TBC1D1: variants seen among roughly 807,000 people sequenced by gnomAD.
TBC1D1 encodes the protein TBC1 domain family member 1.
Under a neutral mutation model 125.6 loss-of-function variants are expected in TBC1D1, and 89 were observed. The ratio of observed to expected loss-of-function variants is 0.71; its 90% CI spans 0.60 to 0.85. The LOEUF is 0.85. Among genes scored for constraint, TBC1D1 ranks in the 40% least tolerant of loss-of-function variants. TBC1D1 has a pLI of 0.00. For synonymous variants in TBC1D1, 565 were observed against 564.1 expected, an observed-to-expected ratio of 1.00 and a Z score of -0.02; for missense variants, 1,377 against 1,469.2, an observed-to-expected ratio of 0.94 and a Z score of 1.03.
rs370317412 is a variant in TBC1D1, at chr4:38,049,685, C to G, written c.1697C>G (p.Ser566Trp). 1 of 1,614,136 alleles carries G rather than the reference C, an allele frequency of 6.2e-7. No homozygotes were observed. The highest frequency in any genetic ancestry group is 8.5e-7 in the Non-Finnish European group (1 of 1,180,022). ...AGCTCCTTTAAGCTCCTCGGCTCCT[C>G]GGAGGACCTGTCCAGTGACTCGGAG... is the stretch of plus-strand genomic sequence containing the variant. Residue 566 changes from serine to tryptophan, a missense_variant, in exon 11 of 20, where the codon TCG becomes TGG. Physicochemically the swap from Ser to Trp is radical, Grantham distance 177. This residue lies in a region of TBC1D1 where 822 missense variants were observed against 824.6 expected (regional missense o/e 1.00). Coordinates refer to ENST00000261439, the MANE Select transcript of TBC1D1 (RefSeq NM_015173.4).
chr4:37,913,473 C>A (rs1231221422), intron 2 of TBC1D1, among the ~76,000 whole-genome samples: 1 of 152,000 alleles, frequency 6.6e-6, no homozygotes, highest in Non-Finnish European at 1.5e-5. Flanking sequence ...GTGGCACATG[C>A]CTGTAATCCC....
At chr4:37,906,728 T>A (rs920216977) in intron 2 of TBC1D1, among the ~76,000 whole-genome samples, 1 of 152,210 alleles carries the variant, frequency 6.6e-6, no homozygotes, top group South Asian at 2.1e-4. Context: ...AAAATGGAAA[T>A]CCATGCATAG....
intron 2 of TBC1D1, among the ~76,000 whole-genome samples, chr4:37,959,103 C>T (rs1242736925): frequency 6.6e-6 from 1 of 152,148 alleles, no homozygotes; most frequent in Non-Finnish European, 1.5e-5. Context: ...TTGAATGGCC[C>T]TTTGTATTTG....
intron 2 of TBC1D1, chr4:37,960,681 C>T: frequency 6.2e-7 from 1 of 1,614,122 alleles, no homozygotes; most frequent in Non-Finnish European, 8.5e-7. Context: ...ACCCAGAAAA[C>T]AAAAACAGCC....
At chr4:37,898,210 C>T (rs191913681) in intron 1 of TBC1D1, among the ~76,000 whole-genome samples, 2 of 152,160 alleles carry the variant, frequency 1.3e-5, no homozygotes, top group Non-Finnish European at 2.9e-5. Context: ...AAGAAGCTTA[C>T]GGTCTTCTTG....
At chr4:38,107,309 C>G (rs1020074361) in intron 15 of TBC1D1, among the ~76,000 whole-genome samples, 2 of 152,242 alleles carry the variant, frequency 1.3e-5, no homozygotes, top group Non-Finnish European at 2.9e-5. Flanking sequence ...TTACCTCCCC[C>G]ACTCCTCTCA....
chr4:37,913,467 C>A (rs1719031269), intron 2 of TBC1D1, among the ~76,000 whole-genome samples: 1 of 151,964 alleles, frequency 6.6e-6, no homozygotes, highest in Non-Finnish European at 1.5e-5. Context: ...GGTGTGGTGG[C>A]ACATGCCTGT....
chr4:38,002,304 A>G (rs1739237487), intron 2 of TBC1D1, among the ~76,000 whole-genome samples: 2 of 152,234 alleles, frequency 1.3e-5, no homozygotes, highest in Admixed American at 6.5e-5. Flanking sequence ...CCATCCAAAA[A>G]TATTTAAAAT....
chr4:38,050,008 C>T, intron 11 of TBC1D1, 110 bp downstream of exon 11: 1 of 1,288,146 alleles, frequency 7.8e-7, no homozygotes, highest in Non-Finnish European at 1.1e-6. Flanking sequence ...TCAGGCTTTA[C>T]TCTTGGTTTG....
chr4:38,000,996 G>A (rs949823953), intron 2 of TBC1D1, among the ~76,000 whole-genome samples: 1 of 152,138 alleles, frequency 6.6e-6, no homozygotes, highest in Non-Finnish European at 1.5e-5. Context: ...TGAGGCGAGC[G>A]GATCACCAGG....
intron 2 of TBC1D1, among the ~76,000 whole-genome samples, chr4:37,980,314 C>A (rs1279353687): frequency 6.6e-6 from 1 of 152,142 alleles, no homozygotes; most frequent in Non-Finnish European, 1.5e-5. Context: ...GGCTTTATAG[C>A]AGTGTGATTT....
intron 2 of TBC1D1, among the ~76,000 whole-genome samples, chr4:38,012,241 C>A (rs1189549647): frequency 6.6e-6 from 1 of 152,140 alleles, no homozygotes; most frequent in African/African-American, 2.4e-5. Context: ...CCAGGAAAAT[C>A]TTATAAACTC....
chr4:38,051,111 A>T (rs1407571942), intron 11 of TBC1D1, among the ~76,000 whole-genome samples: 1 of 152,216 alleles, frequency 6.6e-6, no homozygotes, highest in East Asian at 1.9e-4. Flanking sequence ...TCCTGTCTGG[A>T]GAGTCCTAGT....
chr4:38,009,705 G>T (rs1694677536), intron 2 of TBC1D1, among the ~76,000 whole-genome samples: 1 of 152,206 alleles, frequency 6.6e-6, no homozygotes, highest in African/African-American at 2.4e-5. Context: ...GCATTTGTTA[G>T]TATGTGAACA....
chr4:37,956,630 C>A (rs1030109958), intron 2 of TBC1D1, among the ~76,000 whole-genome samples: 1 of 152,166 alleles, frequency 6.6e-6, no homozygotes, highest in Non-Finnish European at 1.5e-5. Flanking sequence ...GGGACGCCAA[C>A]TAATGTTAGT....
At chr4:37,963,677 A>C (rs991402001) in intron 2 of TBC1D1, among the ~76,000 whole-genome samples, 47 of 152,224 alleles carry the variant, frequency 3.1e-4, no homozygotes, top group African/African-American at 1.1e-3. Context: ...CCATTTATGT[A>C]CTTACGTACA....
intron 2 of TBC1D1, among the ~76,000 whole-genome samples, chr4:37,944,589 G>A (rs556598331): frequency 1.4e-3 from 209 of 152,334 alleles, no homozygotes; most frequent in African/African-American, 4.6e-3. Flanking sequence ...TCAGACTGCT[G>A]TGCTAACAAT....
At chr4:38,024,701 C>T (rs981523367) in intron 6 of TBC1D1, among the ~76,000 whole-genome samples, 9 of 152,106 alleles carry the variant, frequency 5.9e-5, no homozygotes, top group Non-Finnish European at 1.5e-5. Flanking sequence ...TTTTAGGGTT[C>T]CTTGCTTTTT....
chr4:37,964,161 T>G (rs1560539434), intron 2 of TBC1D1, among the ~76,000 whole-genome samples: 1 of 152,240 alleles, frequency 6.6e-6, no homozygotes, highest in Non-Finnish European at 1.5e-5. Flanking sequence ...CAATGGTGAC[T>G]GCAATGGCTT....
Sources: allele counts gnomAD v4.1 joint callset (sites outside exome capture counted in the v4.1 genomes callset), GRCh38; gene constraint gnomAD v4.1.1; regional missense constraint gnomAD v4.1.1; transcripts MANE v1.5; gene names NCBI Gene and HGNC (gene_info 2026-07-23, HGNC 2026-07-21).